CACNA2D3: variants seen among roughly 807,000 people sequenced by gnomAD.
CACNA2D3 encodes voltage-dependent calcium channel subunit alpha-2/delta-3.
CACNA2D3 carries 60 observed loss-of-function variants against 160.6 expected under a neutral mutation model. The ratio of observed to expected loss-of-function variants is 0.37; its 90% CI spans 0.30 to 0.46. The LOEUF is 0.46. Ranked by LOEUF, CACNA2D3 falls within the 20% of genes least tolerant of loss-of-function variation. CACNA2D3 has a pLI of 1.00. For synonymous variants in CACNA2D3, 558 were observed against 492.9 expected, an observed-to-expected ratio of 1.13 and a Z score of -1.75; for missense variants, 1,205 against 1,365.0, an observed-to-expected ratio of 0.88 and a Z score of 1.85.
At position 54,879,006 on chromosome 3, in the gene CACNA2D3, TTA is replaced by T. The variant is rs746635827; in HGVS notation, c.1711-10_1711-9del. On this transcript the variant is annotated splice_polypyrimidine_tract_variant and intron_variant, in intron 18 of 37. Coordinates refer to ENST00000474759, the MANE Select transcript of CACNA2D3 (RefSeq NM_018398.3). ...AGGGAAGAACTAACACACTTTTCTT[TTA>T]TCATTTTAGTTGAGAAATGCTATGG... 1.3e-6 allele frequency: 2 copies of T among 1,574,446 alleles called. No homozygotes were observed. The highest frequency in any genetic ancestry group is 3.7e-5 in the Admixed American group (2 of 53,854).
chr3:54,637,316 G>A (rs538290317), intron 10 of CACNA2D3, among the ~76,000 whole-genome samples: 4 of 151,872 alleles, frequency 2.6e-5, no homozygotes, highest in African/African-American at 7.3e-5. Flanking sequence ...GGGAGTAGAC[G>A]TATCTTATAC....
At chr3:54,337,659 C>T (rs1704415710) in intron 3 of CACNA2D3, among the ~76,000 whole-genome samples, 1 of 152,168 alleles carries the variant, frequency 6.6e-6, no homozygotes, top group Non-Finnish European at 1.5e-5. Flanking sequence ...TTTCATGCCT[C>T]TAAAGTTCCA....
At chr3:54,205,196 T>C (rs866506008) in intron 2 of CACNA2D3, among the ~76,000 whole-genome samples, 1 of 152,156 alleles carries the variant, frequency 6.6e-6, no homozygotes, top group Non-Finnish European at 1.5e-5. Context: ...AAAAGCAGCC[T>C]TCCAGAACAG....
chr3:54,136,725 A>G (rs899047346), intron 2 of CACNA2D3, among the ~76,000 whole-genome samples: 18 of 152,192 alleles, frequency 1.2e-4, no homozygotes, highest in African/African-American at 2.9e-4. Context: ...CTGAGCCTCA[A>G]TTCTACAGGA....
At chr3:54,737,559 G>A (rs1701558920) in intron 11 of CACNA2D3, among the ~76,000 whole-genome samples, 1 of 152,114 alleles carries the variant, frequency 6.6e-6, no homozygotes, top group African/African-American at 2.4e-5. Context: ...GGGCTGAGTA[G>A]GGGGGCAAGT....
chr3:55,030,036 C>T (rs746915598), intron 35 of CACNA2D3, among the ~76,000 whole-genome samples: 24 of 152,158 alleles, frequency 1.6e-4, no homozygotes, highest in Non-Finnish European at 3.1e-4. Context: ...ATATTCTTCC[C>T]TTTGGAGATT....
chr3:54,429,091 C>G (rs988859099), intron 4 of CACNA2D3, among the ~76,000 whole-genome samples: 2 of 152,140 alleles, frequency 1.3e-5, no homozygotes, highest in African/African-American at 2.4e-5. Flanking sequence ...CCAGCCCTCT[C>G]TGGTATATGG....
At chr3:54,642,432 G>A (rs896504782) in intron 11 of CACNA2D3, among the ~76,000 whole-genome samples, 191 bp downstream of exon 11, 1 of 152,020 alleles carries the variant, frequency 6.6e-6, no homozygotes, top group African/African-American at 2.4e-5. Context: ...GAAACTTTTG[G>A]AGGAGAGAAG....
At chr3:54,939,447 G>C (rs1221714508) in intron 27 of CACNA2D3, among the ~76,000 whole-genome samples, 1 of 152,196 alleles carries the variant, frequency 6.6e-6, no homozygotes, top group Non-Finnish European at 1.5e-5. Context: ...GTGGAGAAAT[G>C]CAAAAGAAGG....
chr3:54,437,624 G>A (rs1161037660), intron 4 of CACNA2D3, among the ~76,000 whole-genome samples: 1 of 152,248 alleles, frequency 6.6e-6, no homozygotes, highest in Non-Finnish European at 1.5e-5. Context: ...CCTCAAGGAT[G>A]TTCAAGAAAT....
chr3:54,730,144 A>G (rs1189528969), intron 11 of CACNA2D3, among the ~76,000 whole-genome samples: 3 of 152,232 alleles, frequency 2.0e-5, no homozygotes, highest in Admixed American at 2.0e-4. Flanking sequence ...TTATTAGCAT[A>G]CTAAAGGCAT....
At chr3:54,452,791 C>G (rs1227681488) in intron 4 of CACNA2D3, among the ~76,000 whole-genome samples, 2 of 152,150 alleles carry the variant, frequency 1.3e-5, no homozygotes, top group Non-Finnish European at 2.9e-5. Flanking sequence ...GATGCTCCCT[C>G]TGAAGTTCTT....
At chr3:54,940,203 CAT>C (rs996458071) in intron 27 of CACNA2D3, among the ~76,000 whole-genome samples, 2 of 152,220 alleles carry the variant, frequency 1.3e-5, no homozygotes, top group East Asian at 1.9e-4. Context: ...ACTTTTGAGA[CAT>C]GTGCACAGTT....
At chr3:54,614,681 G>A (rs1027516917) in intron 9 of CACNA2D3, among the ~76,000 whole-genome samples, 4 of 152,146 alleles carry the variant, frequency 2.6e-5, no homozygotes, top group African/African-American at 9.7e-5. Context: ...TGGTTCCTTA[G>A]AGAAATGGCC....
intron 14 of CACNA2D3, among the ~76,000 whole-genome samples, chr3:54,825,552 C>A (rs950602047): frequency 9.9e-5 from 15 of 152,188 alleles, no homozygotes; most frequent in Non-Finnish European, 2.1e-4. Context: ...ACTTGACACA[C>A]TGGATGTTTC....
intron 11 of CACNA2D3, among the ~76,000 whole-genome samples, chr3:54,657,174 AG>A (rs903174515): frequency 3.3e-5 from 5 of 152,190 alleles, no homozygotes; most frequent in Non-Finnish European, 7.3e-5. Context: ...CAGTTAAGGC[AG>A]GAATAGGCCA....
In CACNA2D3 at chr3:54,425,430, C is replaced by T. The variant is rs147883059; in HGVS notation, c.381+38656C>T. On this transcript the variant is annotated intron_variant, in intron 4 of 37. Coordinates refer to ENST00000474759, the MANE Select transcript of CACNA2D3 (RefSeq NM_018398.3). ...CGCAAATTCTTAGGCAAGTTACTAACTCCTCTGATACACAGGTTAAGGATA... is the reference window on the plus strand; with the variant it reads ...CGCAAATTCTTAGGCAAGTTACTAATTCCTCTGATACACAGGTTAAGGATA... Among the ~76,000 whole-genome samples, 30 of 152,350 alleles carry T rather than the reference C, an allele frequency of 2.0e-4. No homozygotes were observed. The East Asian group carries it at 5.2e-3, about 26-fold the overall frequency.
intron 13 of CACNA2D3, among the ~76,000 whole-genome samples, chr3:54,795,002 C>T (rs1384712674): frequency 6.6e-6 from 1 of 152,012 alleles, no homozygotes; most frequent in African/African-American, 2.4e-5. Context: ...TGCACTGCTC[C>T]AAAACCATCC....
intron 2 of CACNA2D3, among the ~76,000 whole-genome samples, chr3:54,265,208 T>G (rs865871144): frequency 3.0e-4 from 45 of 152,198 alleles, no homozygotes; most frequent in Admixed American, 3.3e-4. Flanking sequence ...CCAACAGTGT[T>G]AAAGCCTTCC....
Sources: allele counts gnomAD v4.1 joint callset (sites outside exome capture counted in the v4.1 genomes callset), GRCh38; gene constraint gnomAD v4.1.1; transcripts MANE v1.5; gene names NCBI Gene and HGNC (gene_info 2026-07-23, HGNC 2026-07-21).